TDRD5: variants seen among roughly 807,000 people sequenced by gnomAD.
TDRD5 encodes tudor domain containing 5, also known as tudor domain-containing protein 5.
In TDRD5, 41 loss-of-function variants were observed where a neutral mutation model predicts 120.6. The observed-to-expected ratio is 0.34, with a 90% CI of 0.26 to 0.44. TDRD5 has a LOEUF of 0.44. Among genes scored for constraint, TDRD5 ranks in the 20% least tolerant of loss-of-function variants. TDRD5 has a pLI of 1.00. For missense variants in TDRD5, 1,006 were observed against 1,221.2 expected, an observed-to-expected ratio of 0.82 and a Z score of 2.63; for synonymous variants, 430 against 433.7, an observed-to-expected ratio of 0.99 and a Z score of 0.11.
At chr1:179,599,572 T>C (rs1675587991) in intron 4 of TDRD5, among the ~76,000 whole-genome samples, 1 of 152,062 alleles carries the variant, frequency 6.6e-6, no homozygotes, top group Non-Finnish European at 1.5e-5. Flanking sequence ...TACCTTGTCT[T>C]TCGAGGTGCT....
intron 14 of TDRD5, among the ~76,000 whole-genome samples, chr1:179,656,618 G>A (rs1679019474): frequency 6.6e-6 from 1 of 152,132 alleles, no homozygotes; most frequent in African/African-American, 2.4e-5. Context: ...TGTCTTTGAA[G>A]CCTTATCAAA....
rs1189541973 is a variant in TDRD5, at chr1:179,645,757, T to A, written c.1801-5110T>A. Among the ~76,000 whole-genome samples the A allele has an allele frequency of 3.3e-5, 5 of 152,184 alleles. No individual in the cohort carries two copies. The East Asian group carries it at 9.6e-4, about 29-fold the overall frequency. ...TATTTTGTATACAATTGAGGCTATA[T>A]TATTAGGTACATATACAATACCAAA... On this transcript the variant is annotated intron_variant, in intron 11 of 17. Coordinates refer to ENST00000444136, the MANE Select transcript of TDRD5 (RefSeq NM_001199085.3).
Position 179,690,878 on chromosome 1 carries a change from G to A in TDRD5, c.3043G>A (p.Ala1015Thr), listed in dbSNP as rs757136807. 5 of 1,613,962 alleles carry A rather than the reference G, an allele frequency of 3.1e-6. No homozygotes were observed. Among genetic ancestry groups the A allele is most frequent in the East Asian group, 4.5e-5 (2 of 44,894 alleles). Residue 1015 changes from alanine (A) to threonine (T), a missense_variant, in exon 18 of 18, where the codon GCA becomes ACA. Physicochemically the swap from Ala to Thr is moderately conservative, Grantham distance 58 (BLOSUM62 0). Transcript: ENST00000444136. The stretch of plus-strand genomic sequence containing the variant: ...AGCCACTGCTGCCTTAGGTGCTGCC[G>A]CACGGTTAGCTACATCCAGGAGCCT... ...STATAALGAA[A>T]RLATSRSLLH... is the part of the protein sequence containing the mutation.
intron 3 of TDRD5, among the ~76,000 whole-genome samples, chr1:179,595,321 G>T (rs904486705): frequency 1.3e-5 from 2 of 152,014 alleles, no homozygotes; most frequent in African/African-American, 4.8e-5. Flanking sequence ...TCTCCTAAAT[G>T]GGATACAGCT....
intron 9 of TDRD5, among the ~76,000 whole-genome samples, chr1:179,637,538 G>A (rs1677828370): frequency 6.6e-6 from 1 of 152,102 alleles, no homozygotes; most frequent in Non-Finnish European, 1.5e-5. Context: ...CTTGAGCCCA[G>A]AAGTTCAAGA....
intron 15 of TDRD5, 46 bp from the exon 16 acceptor site, chr1:179,663,302 A>T (rs1253295742): frequency 1.3e-6 from 2 of 1,566,506 alleles, no homozygotes; most frequent in Admixed American, 2.0e-5. Flanking sequence ...TTTTTGGGTC[A>T]TGTTGCACTT....
At chr1:179,626,013 A>G (rs548842241) in intron 6 of TDRD5, among the ~76,000 whole-genome samples, 85 of 151,794 alleles carry the variant, frequency 5.6e-4, no homozygotes, top group African/African-American at 1.9e-3. Context: ...GAATTGAACA[A>G]TGAGAACACA....
At chr1:179,635,232 A>G (rs12747675) in intron 8 of TDRD5, among the ~76,000 whole-genome samples, 25,831 of 152,196 alleles carry the variant, frequency 0.17, 2,845 homozygotes, top group Non-Finnish European at 0.24. Context: ...TCAGAATGAG[A>G]GTATTTGAGA....
chr1:179,640,550 C>A, intron 11 of TDRD5, 105 bp downstream of exon 11: 2 of 1,210,704 alleles, frequency 1.7e-6, no homozygotes, highest in Non-Finnish European at 2.4e-6. Context: ...GTAGAACCAG[C>A]CTTCAAAGAA....
In TDRD5 at chr1:179,690,898, G is replaced by A; in HGVS notation, c.3063G>A (p.Arg1021=). ...CTGCCGCACGGTTAGCTACATCCAGGAGCCTCCTACACTGGTACCCCAGTG... is the reference window on the plus strand; with the variant it reads ...CTGCCGCACGGTTAGCTACATCCAGAAGCCTCCTACACTGGTACCCCAGTG... ...LGAAARLATS[R]SLLHWYPSVK... Residue 1021 remains arginine, a synonymous_variant, in exon 18 of 18, where the codon AGG becomes AGA. Coordinates refer to ENST00000444136, the MANE Select transcript of TDRD5 (RefSeq NM_001199085.3). The A allele has an allele frequency of 1.2e-6, 2 of 1,613,804 alleles. No individual in the cohort carries two copies. The highest frequency in any genetic ancestry group is 1.7e-6 in the Non-Finnish European group (2 of 1,179,974).
At chr1:179,592,912 A>T in intron 2 of TDRD5, 65 bp downstream of exon 2, 3 of 1,480,936 alleles carry the variant, frequency 2.0e-6, no homozygotes, top group Non-Finnish European at 2.8e-6. Flanking sequence ...GTAAATAATT[A>T]TTCTAGTTCT....
At chr1:179,620,140 T>C (rs762470021) in intron 5 of TDRD5, among the ~76,000 whole-genome samples, 1 of 152,170 alleles carries the variant, frequency 6.6e-6, no homozygotes, top group Non-Finnish European at 1.5e-5. Flanking sequence ...AAACCATGAA[T>C]AACATGTGCA....
At chr1:179,596,855 G>A (rs999483074) in intron 4 of TDRD5, among the ~76,000 whole-genome samples, 4 of 152,154 alleles carry the variant, frequency 2.6e-5, no homozygotes, top group Admixed American at 1.3e-4. Flanking sequence ...CATATAGTAA[G>A]TGTATGTTGA....
rs868240818 is a variant in TDRD5, at chr1:179,647,006, A to C, written c.1801-3861A>C. Reference sequence around the variant, plus strand: ...CTCATGGGTAGGAAGAATCAATATCATGAAAATGGCCATACTGCCCAAGGT... The same window carrying C: ...CTCATGGGTAGGAAGAATCAATATCCTGAAAATGGCCATACTGCCCAAGGT... On this transcript the variant is annotated intron_variant, in intron 11 of 17. Coordinates refer to ENST00000444136, the MANE Select transcript of TDRD5 (RefSeq NM_001199085.3). Among the ~76,000 whole-genome samples the C allele has an allele frequency of 3.7e-4, 55 of 150,050 alleles. No individual in the cohort carries two copies. The East Asian group carries it at 7.3e-3, about 20-fold the overall frequency.
intron 7 of TDRD5, among the ~76,000 whole-genome samples, chr1:179,632,916 CAG>C (rs1357200964): frequency 3.3e-5 from 5 of 152,168 alleles, no homozygotes; most frequent in Non-Finnish European, 7.3e-5. Flanking sequence ...CATTAGCCTA[CAG>C]TTGGGCAAAA....
intron 17 of TDRD5, among the ~76,000 whole-genome samples, chr1:179,686,874 G>A (rs1247400624): frequency 2.0e-5 from 3 of 152,054 alleles, no homozygotes; most frequent in African/African-American, 7.2e-5. Context: ...TATTTCTGTG[G>A]GATCAGTGGT....
chr1:179,668,936 G>A (rs916366366), intron 16 of TDRD5, among the ~76,000 whole-genome samples: 135 of 151,754 alleles, frequency 8.9e-4, no homozygotes, highest in African/African-American at 3.0e-3. Context: ...AGTAGAGACG[G>A]GGTTTCACCA....
Position 179,634,341 on chromosome 1 carries a change from CTGGTGTGTTGA to C in TDRD5, c.1127-115_1127-105del, listed in dbSNP as rs1312152958. ...TCATTTATCATTGTCTTTCTAGCAC[CTGGTGTGTTGA>C]AGGTGCTTAGTAATGGTTGTATAGC... On this transcript the variant is annotated intron_variant, in intron 7 of 17. Coordinates refer to ENST00000444136, the MANE Select transcript of TDRD5 (RefSeq NM_001199085.3). 2.9e-6 allele frequency: 3 copies of C among 1,026,364 alleles called. No homozygotes were observed. In the African/African-American group the frequency reaches 4.9e-5, roughly 17 times the overall value. The allele number at this position is 1,026,364 out of a possible 1,614,324, so 63.6% of individuals were successfully genotyped here.
At chr1:179,687,719 G>A (rs1680808901) in intron 17 of TDRD5, among the ~76,000 whole-genome samples, 1 of 152,000 alleles carries the variant, frequency 6.6e-6, no homozygotes. Context: ...TTATGAATCT[G>A]GGTGCTCCTG....
Sources: gnomAD v4.1 joint callset for allele counts (sites outside exome capture counted in the v4.1 genomes callset) on GRCh38, gnomAD v4.1.1 for gene constraint, MANE v1.5 for transcripts, NCBI Gene and HGNC (gene_info 2026-07-23, HGNC 2026-07-21) for gene names.